The following DIAPH3 variants were observed in gnomAD, a reference collection of about 807,000 sequenced individuals.
DIAPH3 encodes protein diaphanous homolog 3.
Under a neutral mutation model 144.3 loss-of-function variants are expected in DIAPH3, and 117 were observed. The ratio of observed to expected loss-of-function variants is 0.81; its 90% confidence interval spans 0.70 to 0.95. The LOEUF (loss-of-function observed/expected upper bound fraction) is 0.95, where lower values mean the gene tolerates loss of function less well. Among genes scored for constraint, DIAPH3 ranks in the 40% least tolerant of loss-of-function variants. The pLI is 0.00. For missense variants in DIAPH3, 1,421 were observed against 1,412.7 expected (o/e 1.01, Z -0.09); for synonymous variants, 519 against 488.9 (o/e 1.06, Z -0.81).
At chr13:59,747,649 G>A (rs1374091212) in intron 27 of DIAPH3, among the ~76,000 whole-genome samples, 4 of 152,144 alleles carry the variant, frequency 2.6e-5, no homozygotes, top group African/African-American at 7.2e-5. Flanking sequence ...ATAACCTCAT[G>A]AGCACCCAGA....
At chr13:59,884,919 A>T (rs1393279094) in intron 20 of DIAPH3, among the ~76,000 whole-genome samples, 1 of 152,212 alleles carries the variant, frequency 6.6e-6, no homozygotes, top group East Asian at 1.9e-4. Flanking sequence ...ATACAAAAAC[A>T]AAGTACATAT....
At chr13:59,808,671 G>A (rs2040313621) in intron 25 of DIAPH3, among the ~76,000 whole-genome samples, 1 of 152,050 alleles carries the variant, frequency 6.6e-6, no homozygotes, top group South Asian at 2.1e-4. Context: ...ACTAATGCAA[G>A]TTAAATTGTA....
intron 27 of DIAPH3, among the ~76,000 whole-genome samples, chr13:59,749,209 C>CA (rs71197276): frequency 0.12 from 2,866 of 24,886 alleles, 638 homozygotes; most frequent in African/African-American, 0.36. Context: ...GACTCTGTCT[C>CA]AAAAAAAAAA....
intron 4 of DIAPH3, among the ~76,000 whole-genome samples, chr13:60,057,582 A>G (rs1482258208): frequency 6.6e-6 from 1 of 152,006 alleles, no homozygotes. Context: ...GAGCCTGAAT[A>G]CCCAAAGCAA....
chr13:60,056,570 G>C (rs2056568545), intron 4 of DIAPH3, among the ~76,000 whole-genome samples: 1 of 151,742 alleles, frequency 6.6e-6, no homozygotes, highest in Admixed American at 6.6e-5. Flanking sequence ...CTAGCATCCA[G>C]ATCTTGAATT....
chr13:60,074,727 T>G (rs2057321635), intron 4 of DIAPH3, among the ~76,000 whole-genome samples: 1 of 152,172 alleles, frequency 6.6e-6, no homozygotes, highest in Non-Finnish European at 1.5e-5. Context: ...CAGTATAAAC[T>G]CACAATGTCT....
rs2045042099 is a variant in DIAPH3, at chr13:59,881,482, T to C, written c.2368-2014A>G. ...CATTTGTATTACGAAATATATTAAT[T>C]CTAACATATATTAATGTACTACTAC... On this transcript the variant is annotated intron_variant, in intron 20 of 27. Transcript: ENST00000400324. Among the ~76,000 whole-genome samples the C allele has an allele frequency of 1.3e-5, 2 of 152,078 alleles. 1 individual carries two copies. Among genetic ancestry groups the C allele is most frequent in the South Asian group, 4.2e-4 (2 of 4,818 alleles).
At chr13:59,820,758 A>C (rs1283424776) in intron 24 of DIAPH3, among the ~76,000 whole-genome samples, 1 of 151,188 alleles carries the variant, frequency 6.6e-6, no homozygotes, top group East Asian at 1.9e-4. Flanking sequence ...GATAGCATTA[A>C]ATACTATTTA....
chr13:59,970,318 C>T (rs894372750), intron 16 of DIAPH3, among the ~76,000 whole-genome samples: 3 of 152,158 alleles, frequency 2.0e-5, no homozygotes, highest in Admixed American at 1.3e-4. Context: ...TTGCATTTCT[C>T]ATAGTCTCTA....
intron 24 of DIAPH3, among the ~76,000 whole-genome samples, chr13:59,821,313 C>T (rs569255085): frequency 1.1e-3 from 166 of 152,128 alleles, no homozygotes; most frequent in Non-Finnish European, 1.6e-3. Flanking sequence ...AAACACCTTG[C>T]TTAGGGTTGT....
chr13:59,820,273 TA>T lies in DIAPH3; in HGVS notation c.3028-9351del, dbSNP rs573313295. 4.6e-5 allele frequency among the ~76,000 whole-genome samples: 7 copies of T among 152,006 alleles called. No individual in the cohort carries two copies. In the South Asian group the frequency reaches 1.5e-3, roughly 32 times the overall value. ...GATGGTACACTGAGCTGATCAGGAG[TA>T]AAATGGTTGCATCCAATACAAGCTG... On this transcript the variant is annotated intron_variant, in intron 24 of 27. Transcript: ENST00000400324.
At chr13:59,957,658 T>A (rs898202665) in intron 17 of DIAPH3, among the ~76,000 whole-genome samples, 1 of 152,128 alleles carries the variant, frequency 6.6e-6, no homozygotes, top group Admixed American at 6.5e-5. Context: ...AAGTATTTAA[T>A]GAAAACACAA....
intron 25 of DIAPH3, among the ~76,000 whole-genome samples, chr13:59,809,885 G>A (rs891914277): frequency 6.6e-6 from 1 of 152,182 alleles, no homozygotes; most frequent in Middle Eastern, 3.2e-3. Flanking sequence ...ATTTAGCAGT[G>A]AAGCGGATGG....
intron 27 of DIAPH3, among the ~76,000 whole-genome samples, chr13:59,723,036 G>A (rs2035420439): frequency 6.6e-6 from 1 of 152,188 alleles, no homozygotes; most frequent in African/African-American, 2.4e-5. Context: ...TGGTAGTGAT[G>A]AGGAAGAGGT....
rs546078947 is a variant in DIAPH3 at position 59,781,341 on chromosome 13, T to G, written c.3164-6518A>C. 2.0e-5 allele frequency among the ~76,000 whole-genome samples: 3 copies of G among 152,166 alleles called. No individual in the cohort carries two copies. In the East Asian group the frequency reaches 5.8e-4, roughly 29 times the overall value. On this transcript the variant is annotated intron_variant, in intron 25 of 27. Transcript: ENST00000400324. The stretch of plus-strand genomic sequence containing the variant: ...TTGCTAATCAGACAAGGATAGAAAA[T>G]GGACATTTTTCAAACATGCAAGTGT...
In DIAPH3 at chr13:60,014,989, G is replaced by GTTTTGT. The variant is rs574353993; in HGVS notation, c.771+918_771+923dup. On this transcript the variant is annotated intron_variant, in intron 7 of 27. Coordinates refer to ENST00000400324, the MANE Select transcript of DIAPH3 (RefSeq NM_001042517.2). ...TAGTTTTTTTGTTTTGTTTTGTTTT[G>GTTTTGT]TTTTGTTTTGTTTTGTTTTGTTTAA... Among the ~76,000 whole-genome samples, 367 of 151,716 alleles carry GTTTTGT rather than the reference G, an allele frequency of 2.4e-3. 2 individuals are homozygous for GTTTTGT. Among genetic ancestry groups the GTTTTGT allele is most frequent in the Middle Eastern group, 0.01 (3 of 294 alleles).
rs555111189 is a variant in DIAPH3, at chr13:59,844,505, A to C, written c.2738-5057T>G. Among the ~76,000 whole-genome samples, 70 of 148,816 alleles carry C rather than the reference A, an allele frequency of 4.7e-4. No individual in the cohort carries two copies. The East Asian group carries it at 5.1e-3, about 11-fold the overall frequency. ...GGTGACGGAGCGAGACTCCATCCCA[A>C]AAAAAAAAAAAAGGAAAAAACAAAA... On this transcript the variant is annotated intron_variant, in intron 22 of 27. Coordinates refer to ENST00000400324, the MANE Select transcript of DIAPH3 (RefSeq NM_001042517.2).
chr13:59,950,305 T>C (rs1308273559), intron 17 of DIAPH3, among the ~76,000 whole-genome samples: 1 of 152,150 alleles, frequency 6.6e-6, no homozygotes, highest in Admixed American at 6.6e-5. Context: ...TGCTGATCTT[T>C]AGCTCCCAAG....
At chr13:60,055,953 A>T (rs942949041) in intron 4 of DIAPH3, among the ~76,000 whole-genome samples, 5 of 151,738 alleles carry the variant, frequency 3.3e-5, no homozygotes, top group African/African-American at 9.7e-5. Context: ...CTCCTTGTAT[A>T]GTTCTGACTT....
Sources: gnomAD v4.1 joint callset for allele counts (sites outside exome capture counted in the v4.1 genomes callset) on GRCh38, gnomAD v4.1.1 for gene constraint, MANE v1.5 for transcripts, NCBI Gene and HGNC (gene_info 2026-07-23, HGNC 2026-07-21) for gene names.